The following NAV3 variants were observed in gnomAD, a reference collection of about 807,000 sequenced individuals.
The protein encoded by NAV3 is pore membrane and/or filament interacting like protein 1.
A neutral mutation model predicts 244.7 loss-of-function variants in NAV3; 87 were observed. That is an observed-to-expected ratio of 0.36 (90% CI 0.30 to 0.42). The LOEUF is 0.42. Ranked by LOEUF, NAV3 falls within the 20% of genes least tolerant of loss-of-function variation. The pLI is 1.00. For missense variants in NAV3, 2,663 were observed against 2,893.3 expected (o/e 0.92, Z 1.83); for synonymous variants, 1,126 against 1,042.2 (o/e 1.08, Z -1.55).
chr12:77,797,524 GTTTTTTTTTT>G (rs33912743), intron 2 of NAV3, among the ~76,000 whole-genome samples: 1 of 100,586 alleles, frequency 9.9e-6, no homozygotes, highest in African/African-American at 3.9e-5. Context: ...TCTTTAAAAA[GTTTTTTTTTT>G]TTTTTTTTTT....
At chr12:77,601,202 A>T (rs771840) in intron 2 of NAV3, among the ~76,000 whole-genome samples, 9,589 of 151,980 alleles carry the variant, frequency 0.063, 415 homozygotes, top group African/African-American at 0.12. Flanking sequence ...CAGGTGAGAT[A>T]ACTGAAGCTT....
upstream of NAV3, among the ~76,000 whole-genome samples, chr12:77,829,324 T>G (rs143839053): frequency 1.3e-3 from 201 of 152,342 alleles, 1 homozygote; most frequent in African/African-American, 4.8e-3. Context: ...GTCACTTCCT[T>G]GAGTGGTCCA....
At chr12:77,714,632 T>C (rs550762705) in intron 2 of NAV3, among the ~76,000 whole-genome samples, 1 of 152,318 alleles carries the variant, frequency 6.6e-6, no homozygotes, top group South Asian at 2.1e-4. Flanking sequence ...GTATTAGACT[T>C]CATACGATTT....
At chr12:78,068,289 T>A (rs976245315) in intron 12 of NAV3, among the ~76,000 whole-genome samples, 3 of 151,880 alleles carry the variant, frequency 2.0e-5, no homozygotes, top group African/African-American at 7.2e-5. Context: ...GTTTTAAGTA[T>A]TATTCATAAA....
chr12:77,761,755 A>G (rs1385145966), intron 2 of NAV3, among the ~76,000 whole-genome samples: 1 of 152,252 alleles, frequency 6.6e-6, no homozygotes, highest in East Asian at 1.9e-4. Flanking sequence ...TAGAATGGCA[A>G]TCATTAAAAA....
chr12:78,199,677 C>T (rs4761326), intron 37 of NAV3, 146 bp downstream of exon 37: 263,627 of 554,732 alleles, frequency 0.48, 67,181 homozygotes, highest in East Asian at 0.79. Context: ...TGAAAGTTTG[C>T]GTTCTTCTTC....
chr12:78,161,092 A>G (rs1178434703), intron 23 of NAV3, among the ~76,000 whole-genome samples: 2 of 152,108 alleles, frequency 1.3e-5, no homozygotes, highest in African/African-American at 4.8e-5. Flanking sequence ...GGGCCCCAGT[A>G]TTCTTGAATG....
At chr12:78,091,036 C>A (rs2138011557) in intron 12 of NAV3, among the ~76,000 whole-genome samples, 1 of 150,882 alleles carries the variant, frequency 6.6e-6, no homozygotes, top group African/African-American at 2.4e-5. Context: ...TAGCTTTTTA[C>A]TCAATTATAA....
intron 2 of NAV3, among the ~76,000 whole-genome samples, chr12:77,821,315 T>C (rs758126309): frequency 7.9e-5 from 12 of 152,194 alleles, no homozygotes; most frequent in Non-Finnish European, 1.5e-5. Flanking sequence ...ACTCATTACT[T>C]AGATTAAAAT....
chr12:77,699,475 A>C (rs1207092266), intron 2 of NAV3, among the ~76,000 whole-genome samples: 3 of 152,136 alleles, frequency 2.0e-5, no homozygotes, highest in Non-Finnish European at 4.4e-5. Flanking sequence ...ATTTGGACAC[A>C]GCATGGTAGG....
intron 39 of NAV3, among the ~76,000 whole-genome samples, chr12:78,208,775 T>C (rs1960595810): frequency 6.6e-6 from 1 of 152,204 alleles, no homozygotes; most frequent in Non-Finnish European, 1.5e-5. Flanking sequence ...ACTGTATCTT[T>C]TTTAAAAGAT....
At chr12:78,089,437 G>A (rs534215729) in intron 12 of NAV3, among the ~76,000 whole-genome samples, 1 of 152,154 alleles carries the variant, frequency 6.6e-6, no homozygotes, top group East Asian at 1.9e-4. Flanking sequence ...TGGTATTTCT[G>A]ATTTATCAAA....
intron 2 of NAV3, among the ~76,000 whole-genome samples, chr12:77,623,577 T>TA (rs907401720): frequency 2.1e-4 from 32 of 152,262 alleles, no homozygotes; most frequent in African/African-American, 6.3e-4. Flanking sequence ...TAATTAGAGA[T>TA]AAAAAAATAT....
At chr12:77,967,815 TTA>T (rs1311557669) in intron 4 of NAV3, among the ~76,000 whole-genome samples, 1 of 152,166 alleles carries the variant, frequency 6.6e-6, no homozygotes, top group Non-Finnish European at 1.5e-5. Flanking sequence ...GCTTATTCAA[TTA>T]TGTTATCTGA....
intron 10 of NAV3, 119 bp from the exon 11 acceptor site, chr12:78,050,645 G>A (rs1006038793): frequency 3.5e-5 from 36 of 1,023,242 alleles, no homozygotes; most frequent in East Asian, 4.9e-5. Flanking sequence ...TTTAGCTTTC[G>A]GGAAGATGAC....
chr12:77,678,044 T>C (rs774062409), intron 2 of NAV3, among the ~76,000 whole-genome samples: 6 of 152,184 alleles, frequency 3.9e-5, no homozygotes, highest in Non-Finnish European at 7.3e-5. Context: ...TGTTACGCCT[T>C]GTTAGCACTG....
At chr12:78,036,968 T>C (rs1279897906) in intron 9 of NAV3, 1 of 702,786 alleles carries the variant, frequency 1.4e-6, no homozygotes, top group East Asian at 2.7e-5. Context: ...CCCTCACCAG[T>C]GATGGGGAGA....
chr12:78,153,625 C>T (rs1565730088), intron 22 of NAV3, among the ~76,000 whole-genome samples: 1 of 151,986 alleles, frequency 6.6e-6, no homozygotes. Flanking sequence ...CAAATCTCAG[C>T]CATTACATAA....
chr12:78,077,085 GA>G (rs1175426199), intron 12 of NAV3, among the ~76,000 whole-genome samples: 2 of 151,954 alleles, frequency 1.3e-5, no homozygotes, highest in African/African-American at 4.8e-5. Context: ...AATATTTTCT[GA>G]AAAAATACAA....
Sources: gnomAD v4.1 joint callset for allele counts (sites outside exome capture counted in the v4.1 genomes callset) on GRCh38, gnomAD v4.1.1 for gene constraint, MANE v1.5 for transcripts, NCBI Gene and HGNC (gene_info 2026-07-23, HGNC 2026-07-21) for gene names.